The following GPR26 variants were observed in gnomAD, a reference collection of about 807,000 sequenced individuals.
GPR26 encodes G protein-coupled receptor 26.
Under a neutral mutation model 23.1 loss-of-function variants are expected in GPR26, and 15 were observed. The observed-to-expected ratio is 0.65, with a 90% CI of 0.43 to 1.00. GPR26 has a LOEUF of 1.00. Ranked by LOEUF, GPR26 falls within the 50% of genes least tolerant of loss-of-function variation. The pLI is 0.00. For missense variants in GPR26, 359 were observed against 470.5 expected (o/e 0.76, Z 2.19); for synonymous variants, 228 against 222.1 (o/e 1.03, Z -0.24).
chr10:123,667,099 C>A (rs1357989369), intron 1 of GPR26, 24 bp downstream of exon 1: 2 of 1,530,056 alleles, frequency 1.3e-6, no homozygotes, highest in Non-Finnish European at 1.8e-6. Context: ...AGCTAAGGCT[C>A]TGGGAACAGC....
At position 123,696,831 on chromosome 10, in the gene GPR26, T is replaced by C. The variant is rs534617124; in HGVS notation, c.*8671T>C. On this transcript the variant is annotated 3_prime_UTR_variant, in exon 3 of 3. Coordinates refer to ENST00000284674, the MANE Select transcript of GPR26 (RefSeq NM_153442.4). ...TGATTTTATGCATATAGGTGAATATTTGTGTGCCCATGAGCATATGCATAT... is the reference window on the plus strand; with the variant it reads ...TGATTTTATGCATATAGGTGAATATCTGTGTGCCCATGAGCATATGCATAT... Among the ~76,000 whole-genome samples, 11 of 152,090 alleles carry C rather than the reference T, an allele frequency of 7.2e-5. No homozygotes were observed. Among genetic ancestry groups the C allele is most frequent in the African/African-American group, 2.7e-4 (11 of 41,458 alleles).
Position 123,674,821 on chromosome 10 carries a change from G to A in GPR26, c.672G>A (p.Val224=). ...TTCTCTCCTCTCTCACATGCAGTGT[G>A]CGGGAACGCTGTCTGGAGGAGCAGA... is the stretch of plus-strand genomic sequence containing the variant. ...LVLLVDLHPS[V]RERCLEEQKR... The change falls in exon 2 of 3, where the codon GTG becomes GTA. Residue 224 remains valine, a synonymous_variant. Coordinates refer to ENST00000284674, the MANE Select transcript of GPR26 (RefSeq NM_153442.4). This position sits in a 1 kb window ranked among gnomAD's most constrained non-coding sequence, Gnocchi z 4.1. The A allele has an allele frequency of 6.2e-7, 1 of 1,611,574 alleles. No homozygotes were observed. Among genetic ancestry groups the A allele is most frequent in the African/African-American group, 1.3e-5 (1 of 74,986 alleles).
chr10:123,667,026 G>A lies in GPR26; in HGVS notation c.619G>A (p.Asp207Asn). The change falls in exon 1 of 3, where the codon GAC becomes AAC. Residue 207 changes from aspartate to asparagine, a missense_variant. Asp to Asn is a conservative substitution (Grantham distance 23). Transcript: ENST00000284674. ...GGCCCGCTTCCATTGCAAGCGCATCGACGTGATCACCATGCAGACGCTGGT... is the reference window on the plus strand; with the variant it reads ...GGCCCGCTTCCATTGCAAGCGCATCAACGTGATCACCATGCAGACGCTGGT... Reference protein sequence around the residue: ...KVARFHCKRIDVITMQTLVLL... With the variant: ...KVARFHCKRINVITMQTLVLL... The A allele has an allele frequency of 6.2e-7, 1 of 1,608,978 alleles. No homozygotes were observed. The highest frequency in any genetic ancestry group is 8.5e-7 in the Non-Finnish European group (1 of 1,177,880).
At chr10:123,686,989 C>A (rs1845436743) in intron 2 of GPR26, among the ~76,000 whole-genome samples, 1 of 152,134 alleles carries the variant, frequency 6.6e-6, no homozygotes, top group Non-Finnish European at 1.5e-5. Context: ...GGGTGCTGGA[C>A]ACACTTGAGA....
chr10:123,674,888 A>T lies in GPR26; in HGVS notation c.739A>T (p.Ile247Leu), dbSNP rs1845288203. Residue 247 changes from isoleucine (I) to leucine (L), a missense_variant, in exon 2 of 3, where the codon ATA becomes TTA. Ile to Leu is a conservative substitution (Grantham distance 5, BLOSUM62 2). Coordinates refer to ENST00000284674, the MANE Select transcript of GPR26 (RefSeq NM_153442.4). The surrounding 1 kb of genome is among the most constrained non-coding windows in gnomAD (Gnocchi z 4.1). Reference sequence around the variant, plus strand: ...AGCCACCAAGAAGATCAGCACCTTCATAGGGACCTTCCTTGTGTGCTTCGC... The same window carrying T: ...AGCCACCAAGAAGATCAGCACCTTCTTAGGGACCTTCCTTGTGTGCTTCGC... ...QRATKKISTF[I>L]GTFLVCFAPY... 1 of 1,613,568 alleles carries T rather than the reference A, an allele frequency of 6.2e-7. No homozygotes were observed. Among genetic ancestry groups the T allele is most frequent in the African/African-American group, 1.3e-5 (1 of 74,922 alleles).
rs1845454803 is a variant in GPR26 at position 123,688,439 on chromosome 10, T to C, written c.*279T>C. ...GCTCCTGGACTCACCTGAGGCTCCCTGGGGGATGACACTCAGTTCTGTCAC... is the reference window on the plus strand; with the variant it reads ...GCTCCTGGACTCACCTGAGGCTCCCCGGGGGATGACACTCAGTTCTGTCAC... On this transcript the variant is annotated 3_prime_UTR_variant, in exon 3 of 3. Coordinates refer to ENST00000284674, the MANE Select transcript of GPR26 (RefSeq NM_153442.4). 3 of 445,294 alleles carry C rather than the reference T, an allele frequency of 6.7e-6. No individual in the cohort carries two copies. The South Asian group carries it at 7.0e-5, about 10-fold the overall frequency. The allele number at this position is 445,294 out of a possible 1,614,324, so 27.6% of individuals were successfully genotyped here.
At position 123,666,558 on chromosome 10, in the gene GPR26, G is replaced by T; in HGVS notation, c.151G>T (p.Gly51Trp). Reference sequence around the variant, plus strand: ...GCTCTTCACCCTGAACCTCACGTGCGGGAACCTGCTGTGCACCGTGGTCAA... The same window carrying T: ...GCTCTTCACCCTGAACCTCACGTGCTGGAACCTGCTGTGCACCGTGGTCAA... ...PALFTLNLTCGNLLCTVVNMP... is the reference protein window; with the variant it reads ...PALFTLNLTCWNLLCTVVNMP... Residue 51 changes from glycine (G) to tryptophan (W), a missense_variant, in exon 1 of 3, where the codon GGG (glycine) becomes TGG (tryptophan). Coordinates refer to ENST00000284674, the MANE Select transcript of GPR26 (RefSeq NM_153442.4). The T allele has an allele frequency of 6.3e-7, 1 of 1,597,338 alleles. No individual in the cohort carries two copies. Among genetic ancestry groups the T allele is most frequent in the East Asian group, 2.3e-5 (1 of 43,982 alleles).
Position 123,666,514 on chromosome 10 carries a change from T to A in GPR26, c.107T>A (p.Ile36Asn), listed in dbSNP as rs1226369534. Residue 36 changes from isoleucine (I) to asparagine (N), a missense_variant, in exon 1 of 3, where the codon ATC becomes AAC. Physicochemically the swap from Ile to Asn is moderately radical, Grantham distance 149. Coordinates refer to ENST00000284674, the MANE Select transcript of GPR26 (RefSeq NM_153442.4). ...VLLCLLHSAD[I>N]RRQAPALFTL... ...CTCTGCCTGCTGCACAGCGCGGACA[T>A]CCGCCGCCAGGCGCCGGCGCTCTTC... 5 of 1,578,664 alleles carry A rather than the reference T, an allele frequency of 3.2e-6. No individual in the cohort carries two copies. Among genetic ancestry groups the A allele is most frequent in the Non-Finnish European group, 4.3e-6 (5 of 1,166,146 alleles).
rs1277621279 is a variant in GPR26 at position 123,694,392 on chromosome 10, T to G, written c.*6232T>G. On this transcript the variant is annotated 3_prime_UTR_variant, in exon 3 of 3. Transcript: ENST00000284674. ...AGGGCAAGTGCCCCTTGAGATGGGC[T>G]GAACGTGATGATGATCTGTGGCCAG... is the stretch of plus-strand genomic sequence containing the variant. 6.6e-6 allele frequency: 1 copy of G among 152,608 alleles called. No individual in the cohort carries two copies. Among genetic ancestry groups the G allele is most frequent in the Non-Finnish European group, 1.5e-5 (1 of 68,284 alleles). The allele number at this position is 152,608 out of a possible 1,614,324, so 9.5% of individuals were successfully genotyped here.
rs913137038 is a variant in GPR26 at position 123,691,603 on chromosome 10, G to A, written c.*3443G>A. ...ATGCAGGATAAACTAGCTTGCCTGAGTTTAATGAGGATATTATATCAGGTG... is the reference window on the plus strand; with the variant it reads ...ATGCAGGATAAACTAGCTTGCCTGAATTTAATGAGGATATTATATCAGGTG... On this transcript the variant is annotated 3_prime_UTR_variant, in exon 3 of 3. Coordinates refer to ENST00000284674, the MANE Select transcript of GPR26 (RefSeq NM_153442.4). 2 of 152,158 alleles carry A rather than the reference G, an allele frequency of 1.3e-5. No homozygotes were observed. Among genetic ancestry groups the A allele is most frequent in the Admixed American group, 6.5e-5 (1 of 15,272 alleles). The allele number at this position is 152,158 out of a possible 1,614,324, so 9.4% of individuals were successfully genotyped here.
At position 123,688,637 on chromosome 10, in the gene GPR26, G is replaced by GA; in HGVS notation, c.*477_*478insA. 1 of 170,072 alleles carries GA rather than the reference G, an allele frequency of 5.9e-6. No homozygotes were observed. Among genetic ancestry groups the GA allele is most frequent in the South Asian group, 1.6e-4 (1 of 6,300 alleles). 10.5% of individuals were successfully genotyped at this position (170,072 alleles called of 1,614,324 possible). ...TGGCCCGGATCTAACATGGCACCTC[G>GA]TCTCCACAGGGTAGTGGTGGCTGCT... On this transcript the variant is annotated 3_prime_UTR_variant, in exon 3 of 3. Transcript: ENST00000284674.
In GPR26 at chr10:123,696,433, C is replaced by T. The variant is rs1056386861; in HGVS notation, c.*8273C>T. Reference sequence around the variant, plus strand: ...TGTGAAAAGTGGGGTGGGGAACTCACACCAACCATAGCTTGGGGCATCCAG... The same window carrying T: ...TGTGAAAAGTGGGGTGGGGAACTCATACCAACCATAGCTTGGGGCATCCAG... On this transcript the variant is annotated 3_prime_UTR_variant, in exon 3 of 3. Transcript: ENST00000284674. Among the ~76,000 whole-genome samples, 1 of 152,082 alleles carries T rather than the reference C, an allele frequency of 6.6e-6. No homozygotes were observed. The highest frequency in any genetic ancestry group is 2.1e-4 in the South Asian group (1 of 4,814).
rs560396713 is a variant in GPR26, at chr10:123,693,868, C to T, written c.*5708C>T. 255 of 152,374 alleles carry T rather than the reference C, an allele frequency of 1.7e-3. No homozygotes were observed. The highest frequency in any genetic ancestry group is 3.4e-3 in the Middle Eastern group (1 of 298). The allele number at this position is 152,374 out of a possible 1,614,324, so 9.4% of individuals were successfully genotyped here. On this transcript the variant is annotated 3_prime_UTR_variant, in exon 3 of 3. Transcript: ENST00000284674. The stretch of plus-strand genomic sequence containing the variant: ...AATCTGCATCAGGAGAAAGAAGCGG[C>T]TAGGACACACAGTGGCTTCGCTCAG...
chr10:123,691,457 A>G lies in GPR26; in HGVS notation c.*3297A>G, dbSNP rs1845489655. 6.6e-6 allele frequency: 1 copy of G among 152,180 alleles called. No homozygotes were observed. Among genetic ancestry groups the G allele is most frequent in the Non-Finnish European group, 1.5e-5 (1 of 68,038 alleles). 9.4% of individuals were successfully genotyped at this position (152,180 alleles called of 1,614,324 possible). ...AAGAAAAGATAGAAAGAATGGGGCC[A>G]GGTTCATGTCCCAGTTGTCACCCTT... On this transcript the variant is annotated 3_prime_UTR_variant, in exon 3 of 3. Coordinates refer to ENST00000284674, the MANE Select transcript of GPR26 (RefSeq NM_153442.4).
At chr10:123,681,263 C>A (rs1845371987) in intron 2 of GPR26, among the ~76,000 whole-genome samples, 1 of 152,130 alleles carries the variant, frequency 6.6e-6, no homozygotes, top group African/African-American at 2.4e-5. Flanking sequence ...GTGCCCAGCC[C>A]CTCACAATGA....
intron 2 of GPR26, among the ~76,000 whole-genome samples, chr10:123,675,833 C>CGTGTGTGGGTGTACGTGTGTGT (rs1845302820): frequency 7.5e-6 from 1 of 134,096 alleles, no homozygotes; most frequent in East Asian, 2.3e-4. Flanking sequence ...TGTGTGTGTA[C>CGTGTGTGGGTGTACGTGTGTGT]GTGTGTGTGT....
intron 2 of GPR26, among the ~76,000 whole-genome samples, chr10:123,683,892 A>T (rs1845404653): frequency 6.6e-6 from 1 of 152,140 alleles, no homozygotes; most frequent in South Asian, 2.1e-4. Flanking sequence ...TTCATCCACA[A>T]GCTCTGCGCC....
Position 123,696,768 on chromosome 10 carries a change from C to T in GPR26, c.*8608C>T, listed in dbSNP as rs919149476. Among the ~76,000 whole-genome samples the T allele has an allele frequency of 1.5e-4, 22 of 151,404 alleles. No homozygotes were observed. The highest frequency in any genetic ancestry group is 4.8e-4 in the African/African-American group (20 of 41,326). Reference sequence around the variant, plus strand: ...CTGTGCTCCCATAAGTCTGTGTGCCCGTGATCATATGCATATGGGTGAATG... The same window carrying T: ...CTGTGCTCCCATAAGTCTGTGTGCCTGTGATCATATGCATATGGGTGAATG... On this transcript the variant is annotated 3_prime_UTR_variant, in exon 3 of 3. Coordinates refer to ENST00000284674, the MANE Select transcript of GPR26 (RefSeq NM_153442.4).
At chr10:123,669,303 C>T (rs1845224580) in intron 1 of GPR26, among the ~76,000 whole-genome samples, 2 of 152,252 alleles carry the variant, frequency 1.3e-5, no homozygotes, top group African/African-American at 4.8e-5. Context: ...TTGATCCCCG[C>T]CAAGCATGTG....
Sources: allele counts gnomAD v4.1 joint callset (sites outside exome capture counted in the v4.1 genomes callset), GRCh38; gene constraint gnomAD v4.1.1; non-coding constraint Gnocchi (gnomAD v3.1); transcripts MANE v1.5; gene names NCBI Gene and HGNC (gene_info 2026-07-23, HGNC 2026-07-21).